NRXN3: variants seen among roughly 807,000 people sequenced by gnomAD.
NRXN3 encodes neurexin 3, also known as neurexin III.
In NRXN3, 32 loss-of-function variants were observed where a neutral mutation model predicts 137.6. That is an observed-to-expected ratio of 0.23 (90% CI 0.18 to 0.31). The LOEUF (loss-of-function observed/expected upper bound fraction) is 0.31, where lower values mean the gene tolerates loss of function less well. Ranked by LOEUF, NRXN3 falls within the 10% of genes least tolerant of loss-of-function variation. The pLI is 1.00. For synonymous variants in NRXN3, 798 were observed against 784.5 expected, an observed-to-expected ratio of 1.02 and a Z score of -0.29; for missense variants, 1,574 against 2,062.5, an observed-to-expected ratio of 0.76 and a Z score of 4.59.
chr14:78,439,226 G>GAA (rs1251289719), intron 4 of NRXN3, among the ~76,000 whole-genome samples: 1 of 152,008 alleles, frequency 6.6e-6, no homozygotes, highest in Admixed American at 6.6e-5. Flanking sequence ...TTTGTATCTT[G>GAA]AAAAAAACCA....
chr14:78,212,148 A>G (rs533804953), intron 1 of NRXN3, among the ~76,000 whole-genome samples: 1 of 152,320 alleles, frequency 6.6e-6, no homozygotes, highest in East Asian at 1.9e-4. Flanking sequence ...CAGAGCTGAG[A>G]GAGAGAGATG....
At chr14:79,034,427 AG>A (rs2099612857) in intron 15 of NRXN3, among the ~76,000 whole-genome samples, 2 of 151,512 alleles carry the variant, frequency 1.3e-5, no homozygotes. Context: ...AAAAGTTTAA[AG>A]AACTTAGATG....
intron 4 of NRXN3, among the ~76,000 whole-genome samples, chr14:78,510,932 T>G (rs776429504): frequency 3.8e-4 from 58 of 152,326 alleles, no homozygotes; most frequent in Non-Finnish European, 4.4e-4. Context: ...GTGTTTGAAT[T>G]CTTTGGAGAA....
chr14:78,920,862 A>G (rs1250752201), intron 10 of NRXN3, among the ~76,000 whole-genome samples: 5 of 152,208 alleles, frequency 3.3e-5, no homozygotes, highest in African/African-American at 1.2e-4. Context: ...CAGAGCATAG[A>G]TGCCCTCTCC....
At chr14:79,621,368 C>T (rs1449719544) in intron 16 of NRXN3, among the ~76,000 whole-genome samples, 1 of 152,070 alleles carries the variant, frequency 6.6e-6, no homozygotes, top group Non-Finnish European at 1.5e-5. Flanking sequence ...AGATAGATAC[C>T]ATTTTGTGGT....
At chr14:79,162,343 C>T (rs538574079) in intron 15 of NRXN3, among the ~76,000 whole-genome samples, 2 of 144,418 alleles carry the variant, frequency 1.4e-5, no homozygotes, top group East Asian at 2.1e-4. Context: ...CTTCCTGTGT[C>T]CATGTGTTCT....
intron 4 of NRXN3, among the ~76,000 whole-genome samples, chr14:78,394,596 A>T (rs1026730538): frequency 1.3e-5 from 2 of 151,876 alleles, no homozygotes; most frequent in Non-Finnish European, 3.0e-5. Context: ...AATGAATTGC[A>T]GTATCTCCCT....
intron 15 of NRXN3, among the ~76,000 whole-genome samples, chr14:79,275,735 G>A (rs190834204): frequency 1.3e-5 from 2 of 151,722 alleles, no homozygotes; most frequent in East Asian, 1.9e-4. Flanking sequence ...TGAGGATGGG[G>A]GGGGGGACAT....
chr14:78,734,559 A>T (rs2098533048), intron 8 of NRXN3, among the ~76,000 whole-genome samples: 1 of 152,216 alleles, frequency 6.6e-6, no homozygotes, highest in Admixed American at 6.5e-5. Flanking sequence ...GGAGAAAGAC[A>T]TTTACCAAGT....
At chr14:79,216,156 C>T (rs780456840) in intron 15 of NRXN3, among the ~76,000 whole-genome samples, 21 of 152,116 alleles carry the variant, frequency 1.4e-4, no homozygotes, top group Non-Finnish European at 2.2e-4. Context: ...TCTTTATTCA[C>T]GTGTCTGTGT....
intron 15 of NRXN3, among the ~76,000 whole-genome samples, chr14:79,099,245 TA>T (rs1270619835): frequency 1.3e-5 from 2 of 152,302 alleles, no homozygotes; most frequent in African/African-American, 2.4e-5. Context: ...TTTTTTGAGA[TA>T]TTTTTTGAGT....
At chr14:79,486,578 C>T (rs1282429849) in intron 16 of NRXN3, among the ~76,000 whole-genome samples, 1 of 152,276 alleles carries the variant, frequency 6.6e-6, no homozygotes, top group Non-Finnish European at 1.5e-5. Context: ...TTATGTACTG[C>T]AGAGCCTATA....
intron 15 of NRXN3, among the ~76,000 whole-genome samples, chr14:79,004,870 C>T (rs1326353808): frequency 6.6e-6 from 1 of 152,122 alleles, no homozygotes; most frequent in Non-Finnish European, 1.5e-5. Flanking sequence ...TATGCTGTCG[C>T]CCCGTCCTCA....
chr14:78,731,381 A>G (rs1402464345), intron 8 of NRXN3, among the ~76,000 whole-genome samples: 2 of 152,132 alleles, frequency 1.3e-5, no homozygotes, highest in Non-Finnish European at 2.9e-5. Flanking sequence ...TAAAATTAAT[A>G]TATATTTACT....
chr14:79,244,255 G>A (rs924574190), intron 15 of NRXN3, among the ~76,000 whole-genome samples: 1 of 152,106 alleles, frequency 6.6e-6, no homozygotes, highest in Non-Finnish European at 1.5e-5. Flanking sequence ...GCACATGGAT[G>A]TGACCTGATC....
intron 15 of NRXN3, among the ~76,000 whole-genome samples, chr14:79,203,127 T>C (rs950698215): frequency 6.6e-6 from 1 of 152,190 alleles, no homozygotes; most frequent in African/African-American, 2.4e-5. Context: ...TTTCCTTTAT[T>C]GGTCTAATTT....
intron 15 of NRXN3, among the ~76,000 whole-genome samples, chr14:79,057,054 G>A (rs1320507619): frequency 1.3e-5 from 2 of 152,214 alleles, no homozygotes; most frequent in Non-Finnish European, 2.9e-5. Flanking sequence ...GAGTAAGACT[G>A]AAATTTTCTC....
At chr14:79,151,454 C>T (rs1568438876) in intron 15 of NRXN3, among the ~76,000 whole-genome samples, 1 of 152,056 alleles carries the variant, frequency 6.6e-6, no homozygotes, top group Non-Finnish European at 1.5e-5. Flanking sequence ...ACTCATCGTT[C>T]CATCAGAACA....
intron 15 of NRXN3, among the ~76,000 whole-genome samples, chr14:79,165,482 A>G (rs987666591): frequency 6.6e-6 from 1 of 151,964 alleles, no homozygotes; most frequent in Non-Finnish European, 1.5e-5. Flanking sequence ...CTCTCATGCG[A>G]TTTTGTGTGT....
Sources: gnomAD v4.1 joint callset for allele counts (sites outside exome capture counted in the v4.1 genomes callset) on GRCh38, gnomAD v4.1.1 for gene constraint, MANE v1.5 for transcripts, NCBI Gene and HGNC (gene_info 2026-07-23, HGNC 2026-07-21) for gene names.